CALM2: variants seen among roughly 807,000 people sequenced by gnomAD.
CALM2 encodes calmodulin-2.
Under a neutral mutation model 19.8 loss-of-function variants are expected in CALM2, and 2 were observed. The ratio of observed to expected loss-of-function variants is 0.10; its 90% CI spans 0.04 to 0.32. The LOEUF (loss-of-function observed/expected upper bound fraction) is 0.32, where lower values mean the gene tolerates loss of function less well. Ranked by LOEUF, CALM2 falls within the 10% of genes least tolerant of loss-of-function variation. The pLI, the probability that CALM2 is intolerant of heterozygous loss-of-function variation, is 1.00. For missense variants in CALM2, 38 were observed against 178.7 expected (o/e 0.21, Z 4.49); for synonymous variants, 51 against 52.1 (o/e 0.98, Z 0.09).
At chr2:47,164,487 C>T (rs1666392213) in intron 2 of CALM2, among the ~76,000 whole-genome samples, 1 of 151,644 alleles carries the variant, frequency 6.6e-6, no homozygotes, top group Admixed American at 6.6e-5. Flanking sequence ...GTCCCAGCTA[C>T]TGGGGAGGCT....
chr2:47,175,836 C>A (rs1416994666), intron 1 of CALM2, among the ~76,000 whole-genome samples: 1 of 147,800 alleles, frequency 6.8e-6, no homozygotes, highest in African/African-American at 2.4e-5. Context: ...CCCCACCGGC[C>A]GCTCCCTGCG....
intron 1 of CALM2, chr2:47,176,124 T>G: frequency 2.6e-6 from 1 of 379,954 alleles, no homozygotes; most frequent in Non-Finnish European, 4.7e-6. Context: ...TTCCTTCACT[T>G]TCTCTCCTTC....
intron 1 of CALM2, chr2:47,173,342 G>C (rs968541220): frequency 1.3e-5 from 2 of 151,220 alleles, no homozygotes; most frequent in African/African-American, 4.9e-5. Flanking sequence ...GTAAAGTGAA[G>C]AAGAATTCAC....
intron 2 of CALM2, chr2:47,163,511 C>T (rs1666325530): frequency 6.6e-6 from 1 of 152,032 alleles, no homozygotes; most frequent in African/African-American, 2.4e-5. Context: ...CAGCCCACCG[C>T]AACCTCCTCC....
chr2:47,173,504 A>C (rs1180894202), intron 1 of CALM2: 1 of 152,214 alleles, frequency 6.6e-6, no homozygotes, highest in Non-Finnish European at 1.5e-5. Context: ...ATTTTGGAGA[A>C]CCATAGGTGA....
chr2:47,175,972 G>A (rs958881121), intron 1 of CALM2, among the ~76,000 whole-genome samples: 1 of 151,632 alleles, frequency 6.6e-6, no homozygotes, highest in African/African-American at 2.4e-5. Flanking sequence ...CGCTCCTCCC[G>A]CCCCCTGGGC....
chr2:47,175,975 C>G (rs542033509), intron 1 of CALM2, among the ~76,000 whole-genome samples: 43 of 151,910 alleles, frequency 2.8e-4, no homozygotes, highest in African/African-American at 1.0e-3. Flanking sequence ...TCCTCCCGCC[C>G]CCTGGGCGCA....
intron 2 of CALM2, among the ~76,000 whole-genome samples, chr2:47,168,176 A>T (rs566437936): frequency 1.3e-5 from 2 of 152,082 alleles, no homozygotes; most frequent in Non-Finnish European, 2.9e-5. Flanking sequence ...ACCGCACATG[A>T]TTTTTATTTT....
chr2:47,168,924 C>G (rs1281736467), intron 2 of CALM2, among the ~76,000 whole-genome samples: 3 of 152,064 alleles, frequency 2.0e-5, no homozygotes, highest in African/African-American at 7.2e-5. Flanking sequence ...ATTACAGGTG[C>G]ACGCCACCAT....
intron 2 of CALM2, among the ~76,000 whole-genome samples, chr2:47,168,556 T>C (rs538978568): frequency 6.6e-6 from 1 of 151,836 alleles, no homozygotes; most frequent in Non-Finnish European, 1.5e-5. Context: ...CTGACCAACA[T>C]GGAGAAACCC....
chr2:47,174,639 A>G (rs1308230347), intron 1 of CALM2, among the ~76,000 whole-genome samples: 2 of 152,136 alleles, frequency 1.3e-5, no homozygotes, highest in Non-Finnish European at 2.9e-5. Flanking sequence ...AAAGCTTAAC[A>G]CTGGGCAAGG....
At chr2:47,162,437 T>C (rs748828637) in intron 3 of CALM2, 45 bp from the exon 4 acceptor site, 2 of 1,605,988 alleles carry the variant, frequency 1.2e-6, no homozygotes, top group Non-Finnish European at 1.7e-6. Flanking sequence ...TGGAAACATA[T>C]AAGCAAACAG....
In CALM2 at chr2:47,160,672, T is replaced by A. The variant is rs1687127680; in HGVS notation, c.*104A>T. On this transcript the variant is annotated 3_prime_UTR_variant, in exon 6 of 6. Coordinates refer to ENST00000272298, the MANE Select transcript of CALM2 (RefSeq NM_001743.6). ...AAGTCCTAATTACTATACATGCATA[T>A]TTTTTTGACAGTAGGGAGAAACCTT... The A allele has an allele frequency of 1.6e-6, 1 of 614,182 alleles. No homozygotes were observed. Among genetic ancestry groups the A allele is most frequent in the African/African-American group, 1.9e-5 (1 of 52,028 alleles). 38.0% of individuals were successfully genotyped at this position (614,182 alleles called of 1,614,324 possible). A position where few individuals can be genotyped will look rare whatever the true frequency, so the allele number is the denominator to read the frequency against.
chr2:47,169,194 A>G (rs1666591070), intron 2 of CALM2, among the ~76,000 whole-genome samples: 1 of 152,214 alleles, frequency 6.6e-6, no homozygotes, highest in South Asian at 2.1e-4. Context: ...TGGTACCTGT[A>G]CCTGACTGGG....
chr2:47,175,730 T>A (rs1046366507), intron 1 of CALM2, among the ~76,000 whole-genome samples: 5 of 150,254 alleles, frequency 3.3e-5, no homozygotes, highest in African/African-American at 1.2e-4. Context: ...CAAGGAGATC[T>A]CCGCAGTCCT....
At chr2:47,170,404 G>T (rs949142956) in intron 2 of CALM2, among the ~76,000 whole-genome samples, 1 of 151,986 alleles carries the variant, frequency 6.6e-6, no homozygotes, top group Non-Finnish European at 1.5e-5. Flanking sequence ...CTTTTCTAGC[G>T]TGTTAGCTAG....
At chr2:47,161,997 C>T in intron 4 of CALM2, 139 bp from the exon 5 acceptor site, 1 of 723,694 alleles carries the variant, frequency 1.4e-6, no homozygotes, top group Non-Finnish European at 2.3e-6. Flanking sequence ...CACAGTTGAC[C>T]TACAAATGTC....
chr2:47,167,630 G>A (rs1666519433), intron 2 of CALM2: 1 of 135,114 alleles, frequency 7.4e-6, no homozygotes, highest in Non-Finnish European at 1.5e-5. Flanking sequence ...GACAGCAAAG[G>A]TTGCAGTGAG....
At chr2:47,176,640 C>T, upstream of CALM2, 1 of 1,487,146 alleles carries the variant, frequency 6.7e-7, no homozygotes, top group Middle Eastern at 2.3e-4. Context: ...TTCTCGGGAC[C>T]CCTTTCTTCA....
Sources: allele counts gnomAD v4.1 joint callset (sites outside exome capture counted in the v4.1 genomes callset), GRCh38; gene constraint gnomAD v4.1.1; transcripts MANE v1.5; gene names NCBI Gene and HGNC (gene_info 2026-07-23, HGNC 2026-07-21).